BTLA: variants seen among roughly 807,000 people sequenced by gnomAD.
BTLA encodes B- and T-lymphocyte attenuator.
In BTLA, 11 loss-of-function variants were observed where a neutral mutation model predicts 25.0. The observed-to-expected ratio is 0.44, with a 90% CI of 0.28 to 0.73. The LOEUF is 0.73. Ranked by LOEUF, BTLA falls within the 30% of genes least tolerant of loss-of-function variation. The pLI is 0.15. For synonymous variants in BTLA, 104 were observed against 119.8 expected (o/e 0.87, Z 0.86); for missense variants, 282 against 332.8 (o/e 0.85, Z 1.19).
chr3:112,480,718 C>T (rs2082313674), intron 1 of BTLA, among the ~76,000 whole-genome samples: 1 of 152,182 alleles, frequency 6.6e-6, no homozygotes, highest in Non-Finnish European at 1.5e-5. Flanking sequence ...CTTAAAGGTT[C>T]CACCTCACAA....
rs2082217039 is a variant in BTLA at position 112,464,895 on chromosome 3, C to T, written c.*1213G>A. On this transcript the variant is annotated 3_prime_UTR_variant, in exon 5 of 5. Transcript: ENST00000334529. ...GAAATGGATTTTAACCTTTGCTATC[C>T]ACTTTGTATGAAGACTATTACATTA... 1 of 152,036 alleles carries T rather than the reference C, an allele frequency of 6.6e-6. No individual in the cohort carries two copies. The highest frequency in any genetic ancestry group is 2.4e-5 in the African/African-American group (1 of 41,388). 9.4% of individuals were successfully genotyped at this position (152,036 alleles called of 1,614,324 possible).
chr3:112,498,930 A>T (rs1392872833), intron 1 of BTLA, among the ~76,000 whole-genome samples: 1 of 152,214 alleles, frequency 6.6e-6, no homozygotes, highest in African/African-American at 2.4e-5. Flanking sequence ...CTATCTATTC[A>T]TTATCAGTAT....
chr3:112,467,215 C>G (rs1384729133), intron 4 of BTLA, among the ~76,000 whole-genome samples: 1 of 152,150 alleles, frequency 6.6e-6, no homozygotes, highest in African/African-American at 2.4e-5. Flanking sequence ...CCGCCTCGGC[C>G]TCCCAAAGTG....
At position 112,466,261 on chromosome 3, in the gene BTLA, C is replaced by A. The variant is rs1376072751; in HGVS notation, c.717G>T (p.Gly239=). ...GGCATGGATTAGAATAAACTTCAGACCCTTCCTGCATCCTGAAACAAAGGT... is the reference window on the plus strand; with the variant it reads ...GGCATGGATTAGAATAAACTTCAGAACCTTCCTGCATCCTGAAACAAAGGT... The part of the protein sequence containing the change: ...DPDLCFRMQE[G]SEVYSNPCLE... Residue 239 remains glycine, a synonymous_variant, in exon 5 of 5, where the codon GGG becomes GGT. Coordinates refer to ENST00000334529, the MANE Select transcript of BTLA (RefSeq NM_181780.4). 3.3e-5 allele frequency: 53 copies of A among 1,613,978 alleles called. No individual in the cohort carries two copies. Among genetic ancestry groups the A allele is most frequent in the Non-Finnish European group, 4.3e-5 (51 of 1,180,006 alleles).
At position 112,499,464 on chromosome 3, in the gene BTLA, G is replaced by C; in HGVS notation, c.-106C>G. On this transcript the variant is annotated 5_prime_UTR_variant, in exon 1 of 5. Transcript: ENST00000334529. The stretch of plus-strand genomic sequence containing the variant: ...GTTTACCTACCCCAGTGGCATCTGT[G>C]AAATAACTAAAAAAAAAAAAAAAAG... The C allele has an allele frequency of 2.1e-6, 1 of 472,242 alleles. No individual in the cohort carries two copies. The highest frequency in any genetic ancestry group is 3.3e-6 in the Non-Finnish European group (1 of 301,598). The allele number at this position is 472,242 out of a possible 1,614,324, so 29.3% of individuals were successfully genotyped here. A position where few individuals can be genotyped will look rare whatever the true frequency, so the allele number is the denominator to read the frequency against.
intron 1 of BTLA, among the ~76,000 whole-genome samples, chr3:112,484,056 T>C (rs2082333184): frequency 6.6e-6 from 1 of 152,038 alleles, no homozygotes; most frequent in Admixed American, 6.6e-5. Context: ...AAGGCTATAC[T>C]TGAGCTGAAC....
Position 112,470,791 on chromosome 3 carries a change from G to A in BTLA, c.547+421C>T, listed in dbSNP as rs919902787. Among the ~76,000 whole-genome samples the A allele has an allele frequency of 2.0e-5, 3 of 152,206 alleles. No individual in the cohort carries two copies. The South Asian group carries it at 6.2e-4, about 32-fold the overall frequency. ...TGGTTCTTCAGTTACATAAGGGTGT[G>A]TGTGGGATTGGCATGATGTGGTGTG... On this transcript the variant is annotated intron_variant, in intron 3 of 4. Transcript: ENST00000334529.
intron 1 of BTLA, among the ~76,000 whole-genome samples, chr3:112,485,728 T>C (rs978398603): frequency 5.3e-5 from 8 of 152,200 alleles, no homozygotes; most frequent in African/African-American, 1.9e-4. Flanking sequence ...CCTGCTCTTA[T>C]TATCTCTGCT....
At chr3:112,469,489 C>T (rs1198219163) in intron 4 of BTLA, among the ~76,000 whole-genome samples, 1 of 151,732 alleles carries the variant, frequency 6.6e-6, no homozygotes. Context: ...TGTCTTGGAT[C>T]TAGACTGCCT....
Position 112,464,119 on chromosome 3 carries a change from G to C in BTLA, c.*1989C>G, listed in dbSNP as rs1455171687. On this transcript the variant is annotated 3_prime_UTR_variant, in exon 5 of 5. Transcript: ENST00000334529. ...GCCATGTAAATAATAGTGAAGTAGA[G>C]TCATTTGGGAAAATGCATGTATGTC... 1.0e-5 allele frequency: 4 copies of C among 397,910 alleles called. No homozygotes were observed. Among genetic ancestry groups the C allele is most frequent in the Non-Finnish European group, 1.8e-5 (4 of 225,712 alleles). 24.6% of individuals were successfully genotyped at this position (397,910 alleles called of 1,614,324 possible).
At chr3:112,483,518 T>G (rs1576685909) in intron 1 of BTLA, among the ~76,000 whole-genome samples, 1 of 152,142 alleles carries the variant, frequency 6.6e-6, no homozygotes, top group East Asian at 1.9e-4. Flanking sequence ...TTCTTTCAGT[T>G]TACTGAGCTG....
rs753175911 is a variant in BTLA at position 112,499,394 on chromosome 3, G to T, written c.-36C>A. On this transcript the variant is annotated 5_prime_UTR_variant, in exon 1 of 5. Transcript: ENST00000334529. ...TATCAGTGATGGAAAAACTGCTCAA[G>T]TAGAAGGCTTTGCTTCGTCTTCTGA... is the stretch of plus-strand genomic sequence containing the variant. 32 of 1,593,796 alleles carry T rather than the reference G, an allele frequency of 2.0e-5. No homozygotes were observed. Among genetic ancestry groups the T allele is most frequent in the Non-Finnish European group, 2.7e-5 (32 of 1,164,992 alleles).
At chr3:112,481,472 G>A (rs1396224441) in intron 1 of BTLA, among the ~76,000 whole-genome samples, 1 of 152,228 alleles carries the variant, frequency 6.6e-6, no homozygotes, top group Non-Finnish European at 1.5e-5. Context: ...GCCATGGCTG[G>A]AGCAGCTAAG....
At chr3:112,474,374 C>T (rs192357132) in intron 2 of BTLA, among the ~76,000 whole-genome samples, 1 of 152,190 alleles carries the variant, frequency 6.6e-6, no homozygotes, top group Admixed American at 6.5e-5. Context: ...TTGACCCTCC[C>T]TGTTATTTTT....
intron 4 of BTLA, 88 bp downstream of exon 4, chr3:112,469,670 C>T (rs1351142197): frequency 2.3e-6 from 2 of 864,156 alleles, no homozygotes; most frequent in Non-Finnish European, 3.5e-6. Flanking sequence ...TAATGCCTGG[C>T]ACATGGTGTT....
chr3:112,492,245 G>A (rs2082384286), intron 1 of BTLA, among the ~76,000 whole-genome samples: 1 of 152,184 alleles, frequency 6.6e-6, no homozygotes, highest in South Asian at 2.1e-4. Flanking sequence ...TATCGCCCTT[G>A]AATAGTAAAA....
At chr3:112,481,940 T>G (rs72938417) in intron 1 of BTLA, among the ~76,000 whole-genome samples, 3,905 of 152,264 alleles carry the variant, frequency 0.026, 167 homozygotes, top group African/African-American at 0.09. Context: ...GAATTATTGC[T>G]CTTAATTTCT....
chr3:112,483,395 A>C (rs1258098887), intron 1 of BTLA, among the ~76,000 whole-genome samples: 1 of 151,684 alleles, frequency 6.6e-6, no homozygotes, highest in Non-Finnish European at 1.5e-5. Flanking sequence ...TGATCAGCTC[A>C]TCTCGGCCTC....
chr3:112,495,886 A>G (rs931202701), intron 1 of BTLA, among the ~76,000 whole-genome samples: 6 of 152,240 alleles, frequency 3.9e-5, no homozygotes, highest in African/African-American at 1.2e-4. Flanking sequence ...CTGGACCATC[A>G]TAATAAAGGG....
Sources: allele counts gnomAD v4.1 joint callset (sites outside exome capture counted in the v4.1 genomes callset), GRCh38; gene constraint gnomAD v4.1.1; transcripts MANE v1.5; gene names NCBI Gene and HGNC (gene_info 2026-07-23, HGNC 2026-07-21).